The following PPFIA1 variants were observed in gnomAD, a reference collection of about 807,000 sequenced individuals.
The protein encoded by PPFIA1 is liprin-alpha-1.
A neutral mutation model predicts 149.9 loss-of-function variants in PPFIA1; 25 were observed. The ratio of observed to expected loss-of-function variants is 0.17; its 90% CI spans 0.12 to 0.23. PPFIA1 has a LOEUF of 0.23. PPFIA1 is among the 10% of genes least tolerant of loss of function. PPFIA1 has a pLI of 1.00. For missense variants in PPFIA1, 1,362 were observed against 1,506.5 expected (o/e 0.90, Z 1.59); for synonymous variants, 549 against 552.8 (o/e 0.99, Z 0.10).
chr11:70,325,444 GAATAA>G, intron 4 of PPFIA1, 51 bp from the exon 5 acceptor site: 2 of 1,167,802 alleles, frequency 1.7e-6, no homozygotes, highest in Non-Finnish European at 2.5e-6. Context: ...TATATATTAA[GAATAA>G]AATAAACAGT....
At chr11:70,360,903 TC>T (rs1305550180) in intron 19 of PPFIA1, among the ~76,000 whole-genome samples, 1 of 152,234 alleles carries the variant, frequency 6.6e-6, no homozygotes, top group Non-Finnish European at 1.5e-5. Context: ...ATGTGTCCTC[TC>T]CATTACAATG....
At chr11:70,329,967 G>T in intron 7 of PPFIA1, 1 of 510,022 alleles carries the variant, frequency 2.0e-6, no homozygotes, top group Non-Finnish European at 3.4e-6. Context: ...ACAAGGTCTT[G>T]AACTCCTTGC....
intron 2 of PPFIA1, 119 bp from the exon 3 acceptor site, chr11:70,324,283 G>T (rs2054135776): frequency 1.5e-6 from 1 of 651,270 alleles, no homozygotes; most frequent in African/African-American, 1.9e-5. Context: ...GGATCACTGA[G>T]ATCCCTTCCC....
intron 2 of PPFIA1, among the ~76,000 whole-genome samples, chr11:70,303,007 G>T (rs2052589484): frequency 6.6e-6 from 1 of 152,084 alleles, no homozygotes; most frequent in Admixed American, 6.6e-5. Flanking sequence ...TCCCAATTTT[G>T]ACCTGACATC....
chr11:70,276,147 C>G (rs1482248746), intron 2 of PPFIA1, among the ~76,000 whole-genome samples: 1 of 152,114 alleles, frequency 6.6e-6, no homozygotes, highest in Non-Finnish European at 1.5e-5. Context: ...TGCTCCATTA[C>G]CCAGCCCGGA....
chr11:70,325,645 C>A, intron 5 of PPFIA1, 71 bp downstream of exon 5: 3 of 1,261,612 alleles, frequency 2.4e-6, no homozygotes, highest in Non-Finnish European at 2.3e-6. Flanking sequence ...TTAAAAGCAG[C>A]ATAAGGCCAG....
rs201951162 is a variant in PPFIA1, at chr11:70,362,117, C to T, written c.2605C>T (p.Arg869Trp). The T allele has an allele frequency of 5.6e-5, 90 of 1,614,094 alleles. 2 individuals carry two copies. Among genetic ancestry groups the T allele is most frequent in the South Asian group, 2.0e-4 (18 of 91,080 alleles). ...QKKHELLEEA[R>W]RQGLPFAQWD... The stretch of plus-strand genomic sequence containing the variant: ...TAGGCATGAATTGCTGGAGGAAGCC[C>T]GGAGACAAGGTTTACCTTTTGCCCA... The change falls in exon 20 of 28, where the codon CGG becomes TGG. Residue 869 changes from arginine to tryptophan, a missense_variant. Around this residue, in one of 7 missense-constraint regions of PPFIA1, gnomAD observed 91 missense variants for 91.2 expected, o/e 1.00. Coordinates refer to ENST00000253925, the MANE Select transcript of PPFIA1 (RefSeq NM_003626.5).
intron 2 of PPFIA1, among the ~76,000 whole-genome samples, chr11:70,312,526 T>A (rs1050627474): frequency 2.6e-4 from 39 of 152,128 alleles, no homozygotes; most frequent in African/African-American, 8.7e-4. Flanking sequence ...TACTTCCTGG[T>A]TCCCCCTACA....
intron 2 of PPFIA1, among the ~76,000 whole-genome samples, chr11:70,313,438 G>A (rs1296851253): frequency 6.6e-6 from 1 of 152,172 alleles, no homozygotes; most frequent in Non-Finnish European, 1.5e-5. Context: ...ATAGAGAATG[G>A]ATCCGAGCGG....
intron 2 of PPFIA1, chr11:70,279,066 G>C: frequency 2.0e-6 from 1 of 507,072 alleles, no homozygotes; most frequent in Non-Finnish European, 3.7e-6. Context: ...ATGCTTTACT[G>C]TGAAGTCTTT....
chr11:70,297,190 C>T (rs2052118408), intron 2 of PPFIA1, among the ~76,000 whole-genome samples: 1 of 152,124 alleles, frequency 6.6e-6, no homozygotes, highest in African/African-American at 2.4e-5. Context: ...GGAAGGATCA[C>T]TTGAGGCCAG....
At chr11:70,334,913 C>T (rs2054881634) in intron 10 of PPFIA1, among the ~76,000 whole-genome samples, 1 of 152,154 alleles carries the variant, frequency 6.6e-6, no homozygotes, top group South Asian at 2.1e-4. Context: ...CACTTCCTGT[C>T]CCTTTCTGCC....
intron 5 of PPFIA1, among the ~76,000 whole-genome samples, chr11:70,325,933 CAAAA>C (rs71049905): frequency 2.0e-5 from 2 of 102,386 alleles, no homozygotes; most frequent in Admixed American, 9.9e-5. Flanking sequence ...ACTCTGTCTC[CAAAA>C]AAAAAAAAAA....
intron 7 of PPFIA1, among the ~76,000 whole-genome samples, chr11:70,329,592 G>T (rs1419537521): frequency 6.6e-6 from 1 of 152,134 alleles, no homozygotes; most frequent in Non-Finnish European, 1.5e-5. Context: ...GACTACAGGG[G>T]CGTGCCACCA....
At position 70,333,504 on chromosome 11, in the gene PPFIA1, T is replaced by C; in HGVS notation, c.1247T>C (p.Leu416Ser). ...EERHGNIEER[L>S]RQMEAQLEEK... Reference sequence around the variant, plus strand: ...AGACACGGCAACATTGAAGAAAGGTTACGACAGATGGAAGCACAGTTGGAG... The same window carrying C: ...AGACACGGCAACATTGAAGAAAGGTCACGACAGATGGAAGCACAGTTGGAG... The change falls in exon 10 of 28, where the codon TTA (leucine) becomes TCA (serine). Residue 416 changes from leucine to serine, a missense_variant. Leu to Ser is a moderately radical substitution (Grantham distance 145, BLOSUM62 -2). Coordinates refer to ENST00000253925, the MANE Select transcript of PPFIA1 (RefSeq NM_003626.5). 3 of 1,613,438 alleles carry C rather than the reference T, an allele frequency of 1.9e-6. 1 individual carries two copies. The South Asian group carries it at 3.3e-5, about 18-fold the overall frequency.
chr11:70,303,702 A>C (rs1256690158), intron 2 of PPFIA1, among the ~76,000 whole-genome samples: 2 of 152,146 alleles, frequency 1.3e-5, no homozygotes, highest in Non-Finnish European at 1.5e-5. Flanking sequence ...AGGTAGCCTC[A>C]AGGTAAGGAC....
In PPFIA1 at chr11:70,289,928, T is replaced by A. The variant is rs549575682; in HGVS notation, c.264+17492T>A. On this transcript the variant is annotated intron_variant, in intron 2 of 27. Transcript: ENST00000253925. The stretch of plus-strand genomic sequence containing the variant: ...CCTGTCTCTCAAAAACACATTTTTT[T>A]AAAAAGTTTATTATTTTTCAGCCAG... 5.0e-4 allele frequency among the ~76,000 whole-genome samples: 76 copies of A among 152,222 alleles called. 1 individual carries two copies. The highest frequency in any genetic ancestry group is 2.7e-3 in the South Asian group (13 of 4,826).
chr11:70,332,651 T>C (rs1046438936), intron 9 of PPFIA1, among the ~76,000 whole-genome samples: 1 of 152,192 alleles, frequency 6.6e-6, no homozygotes, highest in Non-Finnish European at 1.5e-5. Context: ...TCCCCATTCA[T>C]GAGGGAAGCA....
At chr11:70,376,415 C>A (rs762690904) in intron 24 of PPFIA1, 117 bp from the exon 25 acceptor site, 35 of 1,024,132 alleles carry the variant, frequency 3.4e-5, no homozygotes, top group Non-Finnish European at 5.1e-5. Flanking sequence ...GCGTGAGCCA[C>A]CAGACCCAGC....
Sources: gnomAD v4.1 joint callset for allele counts (sites outside exome capture counted in the v4.1 genomes callset) on GRCh38, gnomAD v4.1.1 for gene constraint, gnomAD v4.1.1 regional missense constraint, MANE v1.5 for transcripts, NCBI Gene and HGNC (gene_info 2026-07-23, HGNC 2026-07-21) for gene names.